Variants in NCKAP5 observed in about 807,000 individuals in gnomAD.
NCKAP5 encodes the protein nck-associated protein 5.
A neutral mutation model predicts 167.0 loss-of-function variants in NCKAP5; 92 were observed. That is an observed-to-expected ratio of 0.55 (90% CI 0.47 to 0.66). The LOEUF (loss-of-function observed/expected upper bound fraction) is 0.66. Among genes scored for constraint, NCKAP5 ranks in the 30% least tolerant of loss-of-function variants. The pLI is 0.00. For synonymous variants in NCKAP5, 891 were observed against 877.4 expected (o/e 1.02, Z -0.27); for missense variants, 2,378 against 2,315.0 (o/e 1.03, Z -0.56).
At chr2:133,621,655 C>CA in the NCKAP5 span, among the ~76,000 whole-genome samples, 1 of 151,774 alleles carries the variant, frequency 6.6e-6, no homozygotes, top group Non-Finnish European at 1.5e-5. Context: ...AAATTGCCAA[C>CA]AAAAAAAGTC....
rs201265028 is a variant in NCKAP5 at position 132,982,886 on chromosome 2, T to C, written c.429+11266A>G. ...GCTGGGTAGTATTCTGTGGTGTATA[T>C]ATACAACATTTTCTTTATCCAGACC... On this transcript the variant is annotated intron_variant, in intron 7 of 19. Transcript: ENST00000409261. Among the ~76,000 whole-genome samples, 8 of 152,330 alleles carry C rather than the reference T, an allele frequency of 5.3e-5. 1 individual carries two copies. In the East Asian group the frequency reaches 1.5e-3, roughly 29 times the overall value.
chr2:132,925,137 G>T (rs116560663), intron 8 of NCKAP5, among the ~76,000 whole-genome samples: 3 of 151,972 alleles, frequency 2.0e-5, no homozygotes, highest in Non-Finnish European at 4.4e-5. Context: ...TTTGTTGGGG[G>T]GTGGGGAATG....
chr2:132,718,613 AT>A (rs1171487883), intron 19 of NCKAP5, among the ~76,000 whole-genome samples: 1 of 152,146 alleles, frequency 6.6e-6, no homozygotes, highest in Non-Finnish European at 1.5e-5. Flanking sequence ...TGGATTCATC[AT>A]TTTTCTCTAG....
chr2:133,268,185 T>C (rs2089332988), intron 4 of NCKAP5, among the ~76,000 whole-genome samples: 1 of 152,230 alleles, frequency 6.6e-6, no homozygotes, highest in African/African-American at 2.4e-5. Flanking sequence ...CTCAAATCAT[T>C]CTTTTGCTTT....
intron 11 of NCKAP5, among the ~76,000 whole-genome samples, chr2:132,810,041 G>A (rs1029467894): frequency 6.6e-6 from 1 of 152,116 alleles, no homozygotes; most frequent in Non-Finnish European, 1.5e-5. Context: ...CTTCATATAC[G>A]ATTCTTAGTT....
At chr2:133,195,817 G>T (rs2085411489) in intron 5 of NCKAP5, among the ~76,000 whole-genome samples, 1 of 152,090 alleles carries the variant, frequency 6.6e-6, no homozygotes, top group African/African-American at 2.4e-5. Flanking sequence ...ATAAAACTTA[G>T]CTTGTGATAT....
At chr2:132,943,525 T>C (rs1697457306) in intron 8 of NCKAP5, among the ~76,000 whole-genome samples, 1 of 152,176 alleles carries the variant, frequency 6.6e-6, no homozygotes, top group Non-Finnish European at 1.5e-5. Flanking sequence ...CCCAAACCCC[T>C]CTTTACACAC....
At chr2:133,423,642 T>C (rs1053937797) in intron 3 of NCKAP5, among the ~76,000 whole-genome samples, 2 of 152,220 alleles carry the variant, frequency 1.3e-5, no homozygotes, top group Admixed American at 6.5e-5. Flanking sequence ...CAAGGTGCTA[T>C]GTGACCTTTA....
intron 19 of NCKAP5, among the ~76,000 whole-genome samples, chr2:132,714,676 G>T: frequency 6.6e-6 from 1 of 152,176 alleles, no homozygotes; most frequent in Non-Finnish European, 1.5e-5. Context: ...AATTAGCCGG[G>T]CATGGTGGCG....
intron 8 of NCKAP5, chr2:132,911,088 T>C (rs575757500): frequency 9.5e-6 from 2 of 210,974 alleles, no homozygotes; most frequent in East Asian, 2.2e-4. Flanking sequence ...CACATCTCAT[T>C]TGTTGCTAGA....
intron 18 of NCKAP5, among the ~76,000 whole-genome samples, chr2:132,726,871 T>C (rs1301464429): frequency 6.6e-6 from 1 of 152,194 alleles, no homozygotes; most frequent in Non-Finnish European, 1.5e-5. Context: ...ACTAAGTCCA[T>C]GAAGAAAGAC....
intron 8 of NCKAP5, among the ~76,000 whole-genome samples, chr2:132,917,302 CT>C (rs1694961295): frequency 6.6e-6 from 1 of 152,090 alleles, no homozygotes. Context: ...TTTTAAAAAA[CT>C]TTAATATATA....
chr2:133,308,686 ATTCT>A (rs1680985814), intron 3 of NCKAP5, among the ~76,000 whole-genome samples: 1 of 118,826 alleles, frequency 8.4e-6, no homozygotes, highest in African/African-American at 3.1e-5. Context: ...AAGAAATACA[ATTCT>A]TTTTTTTTTT....
intron 6 of NCKAP5, among the ~76,000 whole-genome samples, chr2:133,070,115 G>T (rs1404918940): frequency 1.3e-5 from 2 of 152,160 alleles, no homozygotes; most frequent in Non-Finnish European, 2.9e-5. Context: ...TATGGAGTTT[G>T]TCAATGAGTA....
At chr2:133,618,658 G>A in the NCKAP5 span, among the ~76,000 whole-genome samples, 1 of 152,138 alleles carries the variant, frequency 6.6e-6, no homozygotes, top group Admixed American at 6.5e-5. Flanking sequence ...GCAAACAACA[G>A]GTGCTAGAGA....
At chr2:133,453,505 G>A (rs1691670840) in intron 3 of NCKAP5, among the ~76,000 whole-genome samples, 1 of 152,046 alleles carries the variant, frequency 6.6e-6, no homozygotes, top group South Asian at 2.1e-4. Context: ...GAACAAAGAT[G>A]TTCACTGCAT....
At chr2:133,157,904 G>A (rs1052645393) in intron 5 of NCKAP5, among the ~76,000 whole-genome samples, 1 of 152,146 alleles carries the variant, frequency 6.6e-6, no homozygotes, top group African/African-American at 2.4e-5. Context: ...TTCTCCACTT[G>A]CCTTACAATC....
At chr2:133,643,820 A>T in the NCKAP5 span, among the ~76,000 whole-genome samples, 1 of 152,192 alleles carries the variant, frequency 6.6e-6, no homozygotes. Context: ...GACAGGTGCA[A>T]TTCTTGAAAG....
chr2:133,464,496 C>T (rs766389374), intron 3 of NCKAP5, among the ~76,000 whole-genome samples: 5 of 152,056 alleles, frequency 3.3e-5, no homozygotes, highest in South Asian at 4.2e-4. Flanking sequence ...GAGACCATCC[C>T]GGCTAACACG....
Sources: gnomAD v4.1 joint callset for allele counts (sites outside exome capture counted in the v4.1 genomes callset) on GRCh38, gnomAD v4.1.1 for gene constraint, MANE v1.5 for transcripts, NCBI Gene and HGNC (gene_info 2026-07-23, HGNC 2026-07-21) for gene names.